Variants in SND1 observed in about 807,000 individuals in gnomAD.
The protein encoded by SND1 is staphylococcal nuclease domain-containing protein 1.
Under a neutral mutation model 121.7 loss-of-function variants are expected in SND1, and 38 were observed. The ratio of observed to expected loss-of-function variants is 0.31; its 90% CI spans 0.24 to 0.41. The LOEUF (loss-of-function observed/expected upper bound fraction) is 0.41. Ranked by LOEUF, SND1 falls within the 10% of genes least tolerant of loss-of-function variation. SND1 has a pLI of 1.00. For synonymous variants in SND1, 401 were observed against 447.4 expected (o/e 0.90, Z 1.31); for missense variants, 868 against 1,184.6 (o/e 0.73, Z 3.92).
chr7:127,990,460 A>G (rs1156777355), intron 15 of SND1, among the ~76,000 whole-genome samples: 1 of 152,186 alleles, frequency 6.6e-6, no homozygotes, highest in East Asian at 1.9e-4. Context: ...GAGAAAAGTG[A>G]CACTGAATTA....
Position 127,831,745 on chromosome 7 carries a change from T to A in SND1, c.1243-12579T>A, listed in dbSNP as rs976398577. Reference sequence around the variant, plus strand: ...CTACTTTTTTGTGTTTTTTGCTGTTTTTTGTTTTTAAAGGCAGATGTTTTC... The same window carrying A: ...CTACTTTTTTGTGTTTTTTGCTGTTATTTGTTTTTAAAGGCAGATGTTTTC... On this transcript the variant is annotated intron_variant, in intron 11 of 23. Transcript: ENST00000354725. 5.3e-5 allele frequency among the ~76,000 whole-genome samples: 8 copies of A among 152,214 alleles called. No individual in the cohort carries two copies. The East Asian group carries it at 1.5e-3, about 29-fold the overall frequency.
At chr7:127,807,605 A>G (rs530642363) in intron 11 of SND1, 32 bp downstream of exon 11, 18 of 1,558,772 alleles carry the variant, frequency 1.2e-5, no homozygotes, top group Admixed American at 5.0e-5. Context: ...CATATTTGCA[A>G]GTGGTTGGGC....
intron 12 of SND1, among the ~76,000 whole-genome samples, chr7:127,855,193 A>G (rs1473491432): frequency 6.6e-6 from 1 of 152,030 alleles, no homozygotes; most frequent in Non-Finnish European, 1.5e-5. Flanking sequence ...ATCATGGCTC[A>G]CTGCAGCCTC....
chr7:127,724,016 G>A (rs567177456), intron 10 of SND1, among the ~76,000 whole-genome samples: 257 of 152,290 alleles, frequency 1.7e-3, no homozygotes, highest in African/African-American at 5.9e-3. Flanking sequence ...AGGCACATGA[G>A]GCTAGTGGCT....
Position 127,888,128 on chromosome 7 carries a change from G to T in SND1, c.1454+116G>T. ...GGAAAATAATATGCTGAGAAAGCAT[G>T]TATTATTATTCTAGATTTTCCCCAT... On this transcript the variant is annotated intron_variant, in intron 13 of 23. Transcript: ENST00000354725. The T allele has an allele frequency of 8.3e-6, 5 of 602,102 alleles. No homozygotes were observed. The South Asian group carries it at 1.1e-4, about 13-fold the overall frequency. The allele number at this position is 602,102 out of a possible 1,614,324, so 37.3% of individuals were successfully genotyped here. A position where few individuals can be genotyped will look rare whatever the true frequency, so the allele number is the denominator to read the frequency against.
chr7:128,070,809 A>G lies in SND1; in HGVS notation c.1780-3693A>G, dbSNP rs1001683070. Among the ~76,000 whole-genome samples, 11 of 152,290 alleles carry G rather than the reference A, an allele frequency of 7.2e-5. No individual in the cohort carries two copies. The East Asian group carries it at 1.3e-3, about 19-fold the overall frequency. On this transcript the variant is annotated intron_variant, in intron 16 of 23. Coordinates refer to ENST00000354725, the MANE Select transcript of SND1 (RefSeq NM_014390.4). ...TCGATCTTCATTATTCACCGGTTACATATTTGCAAATTCACCAAAATCTAT... is the reference window on the plus strand; with the variant it reads ...TCGATCTTCATTATTCACCGGTTACGTATTTGCAAATTCACCAAAATCTAT...
intron 14 of SND1, among the ~76,000 whole-genome samples, chr7:127,923,086 T>C (rs1409624214): frequency 6.6e-6 from 1 of 152,200 alleles, no homozygotes; most frequent in African/African-American, 2.4e-5. Context: ...ACTCCTGGGC[T>C]GAAGCAATCC....
chr7:128,033,347 C>G (rs1457803334), intron 16 of SND1, among the ~76,000 whole-genome samples: 1 of 152,146 alleles, frequency 6.6e-6, no homozygotes, highest in African/African-American at 2.4e-5. Flanking sequence ...GGAAGCCGGT[C>G]CAGTAGAATA....
intron 10 of SND1, among the ~76,000 whole-genome samples, chr7:127,767,863 G>T (rs145348816): frequency 6.6e-6 from 1 of 152,066 alleles, no homozygotes; most frequent in Non-Finnish European, 1.5e-5. Flanking sequence ...ATATCAGTAC[G>T]CATGTTAGGA....
At chr7:127,821,734 C>T (rs1454541291) in intron 11 of SND1, among the ~76,000 whole-genome samples, 6 of 151,638 alleles carry the variant, frequency 4.0e-5, no homozygotes, top group South Asian at 4.2e-4. Flanking sequence ...AAAATAGCTG[C>T]GTAGAAAGCA....
intron 15 of SND1, among the ~76,000 whole-genome samples, chr7:127,960,160 C>A (rs1801697584): frequency 1.3e-5 from 2 of 152,234 alleles, no homozygotes; most frequent in African/African-American, 4.8e-5. Flanking sequence ...ATTACAATAT[C>A]TAGGCCAATA....
intron 1 of SND1, among the ~76,000 whole-genome samples, chr7:127,659,288 A>G (rs917695587): frequency 3.3e-5 from 5 of 152,242 alleles, no homozygotes; most frequent in African/African-American, 1.2e-4. Flanking sequence ...CATTAGACTC[A>G]ATATAATACA....
At chr7:127,720,744 G>T (rs1796480341) in intron 9 of SND1, among the ~76,000 whole-genome samples, 1 of 152,154 alleles carries the variant, frequency 6.6e-6, no homozygotes, top group Non-Finnish European at 1.5e-5. Context: ...TCATGTTTCT[G>T]CCTGTGAGAT....
In SND1 at chr7:128,089,499, G is replaced by A. The variant is rs1341123138; in HGVS notation, c.2429G>A (p.Arg810His). The change falls in exon 22 of 24, where the codon CGC (arginine) becomes CAC (histidine). Residue 810 changes from arginine (R) to histidine (H), a missense_variant. Around this residue, in one of 2 missense-constraint regions of SND1, gnomAD observed 743 missense variants for 1,071.3 expected, o/e 0.69. Transcript: ENST00000354725. ...FIQVPQDDDA[R>H]TDAVDSVVRD... ...GTGTCTCTGCTCCAGGATGATGCCCGCACGGACGCCGTGGACAGCGTAGTT... is the reference window on the plus strand; with the variant it reads ...GTGTCTCTGCTCCAGGATGATGCCCACACGGACGCCGTGGACAGCGTAGTT... The A allele has an allele frequency of 6.2e-7, 1 of 1,612,544 alleles. No homozygotes were observed. The highest frequency in any genetic ancestry group is 8.5e-7 in the Non-Finnish European group (1 of 1,178,784).
intron 16 of SND1, among the ~76,000 whole-genome samples, chr7:127,997,175 T>C (rs757626555): frequency 6.6e-6 from 1 of 152,240 alleles, no homozygotes; most frequent in Non-Finnish European, 1.5e-5. Flanking sequence ...GTAAGACATA[T>C]ACTAAAACTC....
chr7:128,073,094 G>A (rs1793442046), intron 16 of SND1, among the ~76,000 whole-genome samples: 1 of 152,148 alleles, frequency 6.6e-6, no homozygotes, highest in South Asian at 2.1e-4. Flanking sequence ...TCCTGAAACA[G>A]AAGGCTGTGG....
chr7:127,663,483 T>G (rs747499621), intron 1 of SND1, among the ~76,000 whole-genome samples: 56 of 152,016 alleles, frequency 3.7e-4, no homozygotes, highest in Admixed American at 2.3e-3. Context: ...GTGACTCCCC[T>G]GCCTCAGCCT....
At chr7:128,074,472 CA>C (rs1477979756) in intron 16 of SND1, 29 bp from the exon 17 acceptor site, 1 of 1,584,348 alleles carries the variant, frequency 6.3e-7, no homozygotes, top group Non-Finnish European at 8.6e-7. Flanking sequence ...GCCTGGCCCC[CA>C]CAGGCTTACG....
At position 127,851,759 on chromosome 7, in the gene SND1, T is replaced by C. The variant is rs565724547; in HGVS notation, c.1343+7335T>C. The stretch of plus-strand genomic sequence containing the variant: ...ATTGATTTTTCTTTCAGCATTTATA[T>C]TTAAATTTTTGTTCTTTAATTGTTC... On this transcript the variant is annotated intron_variant, in intron 12 of 23. Coordinates refer to ENST00000354725, the MANE Select transcript of SND1 (RefSeq NM_014390.4). 3.8e-4 allele frequency among the ~76,000 whole-genome samples: 58 copies of C among 152,374 alleles called. 1 individual carries two copies. The South Asian group carries it at 0.012, about 32-fold the overall frequency.
Sources: allele counts gnomAD v4.1 joint callset (sites outside exome capture counted in the v4.1 genomes callset), GRCh38; gene constraint gnomAD v4.1.1; regional missense constraint gnomAD v4.1.1; transcripts MANE v1.5; gene names NCBI Gene and HGNC (gene_info 2026-07-23, HGNC 2026-07-21).